PDSS2: variants seen among roughly 807,000 people sequenced by gnomAD.
The protein encoded by PDSS2 is all trans-polyprenyl-diphosphate synthase PDSS2.
In PDSS2, 31 loss-of-function variants were observed where a neutral mutation model predicts 44.5. That is an observed-to-expected ratio of 0.70 (90% confidence interval 0.52 to 0.94). PDSS2 has a LOEUF of 0.94. Among genes scored for constraint, PDSS2 ranks in the 40% least tolerant of loss-of-function variants. The pLI is 0.00. For synonymous variants in PDSS2, 157 were observed against 180.3 expected (o/e 0.87, Z 1.03); for missense variants, 452 against 482.2 (o/e 0.94, Z 0.59).
At chr6:107,204,683 A>G (rs1028728717) in intron 6 of PDSS2, among the ~76,000 whole-genome samples, 1 of 152,214 alleles carries the variant, frequency 6.6e-6, no homozygotes, top group African/African-American at 2.4e-5. Flanking sequence ...CCGACTTCAT[A>G]AACCTCTTTC....
intron 1 of PDSS2, among the ~76,000 whole-genome samples, chr6:107,396,662 T>C (rs1779950096): frequency 6.7e-6 from 1 of 149,630 alleles, no homozygotes; most frequent in Non-Finnish European, 1.5e-5. Context: ...CCTTTCTTTT[T>C]TTCCTCTTCT....
chr6:107,290,997 G>A (rs189174775), intron 2 of PDSS2, among the ~76,000 whole-genome samples: 3 of 144,114 alleles, frequency 2.1e-5, no homozygotes, highest in African/African-American at 7.9e-5. Flanking sequence ...ATAATATCAA[G>A]CTCAAACCGT....
intron 3 of PDSS2, among the ~76,000 whole-genome samples, chr6:107,273,711 C>A (rs966711197): frequency 2.0e-5 from 3 of 151,972 alleles, no homozygotes; most frequent in Admixed American, 6.6e-5. Context: ...AGATATTAAC[C>A]AGCAGTGATT....
At chr6:107,430,023 C>T (rs1488776761) in intron 1 of PDSS2, among the ~76,000 whole-genome samples, 1 of 146,960 alleles carries the variant, frequency 6.8e-6, no homozygotes, top group African/African-American at 2.5e-5. Context: ...ATACCTTATT[C>T]ATTGCTAAAA....
chr6:107,378,423 G>A (rs1226365071), intron 1 of PDSS2, among the ~76,000 whole-genome samples: 1 of 152,112 alleles, frequency 6.6e-6, no homozygotes, highest in African/African-American at 2.4e-5. Context: ...TATGACATAA[G>A]GCTAATGTAT....
At chr6:107,351,083 T>C (rs1244349080) in intron 1 of PDSS2, among the ~76,000 whole-genome samples, 3 of 151,916 alleles carry the variant, frequency 2.0e-5, no homozygotes, top group Admixed American at 6.6e-5. Context: ...AAAAAAAAAT[T>C]GATAAAAGTA....
intron 2 of PDSS2, among the ~76,000 whole-genome samples, chr6:107,319,608 G>C (rs994763793): frequency 6.6e-6 from 1 of 152,178 alleles, no homozygotes; most frequent in Non-Finnish European, 1.5e-5. Context: ...ACAGATAACA[G>C]AGAGGTCCAA....
chr6:107,167,584 A>G (rs1771400428), intron 7 of PDSS2, among the ~76,000 whole-genome samples: 1 of 152,226 alleles, frequency 6.6e-6, no homozygotes. Flanking sequence ...TGTCAATTTG[A>G]GATCTTTTCT....
intron 3 of PDSS2, among the ~76,000 whole-genome samples, chr6:107,252,807 T>C (rs918650624): frequency 2.0e-5 from 3 of 152,150 alleles, no homozygotes; most frequent in African/African-American, 7.2e-5. Flanking sequence ...TCGCAACTGA[T>C]ACAACTTGAA....
intron 1 of PDSS2, among the ~76,000 whole-genome samples, chr6:107,427,975 T>A (rs1781058022): frequency 6.6e-6 from 1 of 152,240 alleles, no homozygotes; most frequent in African/African-American, 2.4e-5. Context: ...ATTGACAAAT[T>A]TCACATTTTT....
At chr6:107,296,005 A>C (rs1270747193) in intron 2 of PDSS2, among the ~76,000 whole-genome samples, 1 of 152,180 alleles carries the variant, frequency 6.6e-6, no homozygotes, top group Non-Finnish European at 1.5e-5. Flanking sequence ...ATGAGAAGTG[A>C]GTTAAAAATG....
chr6:107,442,781 T>G (rs1430092051), intron 1 of PDSS2, among the ~76,000 whole-genome samples: 1 of 152,218 alleles, frequency 6.6e-6, no homozygotes, highest in Non-Finnish European at 1.5e-5. Flanking sequence ...AGTCTGCAAT[T>G]ACCAACCTCA....
chr6:107,426,556 A>T (rs1002848861), intron 1 of PDSS2, among the ~76,000 whole-genome samples: 8 of 152,158 alleles, frequency 5.3e-5, no homozygotes, highest in Non-Finnish European at 1.2e-4. Context: ...AGAACGGTAG[A>T]TCCACTGACA....
intron 2 of PDSS2, among the ~76,000 whole-genome samples, chr6:107,291,699 T>C (rs1776355563): frequency 6.6e-6 from 1 of 151,274 alleles, no homozygotes; most frequent in South Asian, 2.1e-4. Flanking sequence ...GGTAGGAAAA[T>C]GAAAAATCTC....
intron 7 of PDSS2, among the ~76,000 whole-genome samples, chr6:107,158,908 T>C (rs1231656583): frequency 6.6e-6 from 1 of 151,984 alleles, no homozygotes; most frequent in Non-Finnish European, 1.5e-5. Context: ...TTTATATTTT[T>C]AGTAGAGACA....
chr6:107,434,593 G>T (rs1308147557), intron 1 of PDSS2, among the ~76,000 whole-genome samples: 2 of 152,174 alleles, frequency 1.3e-5, no homozygotes, highest in Non-Finnish European at 2.9e-5. Flanking sequence ...ATAGTTACCA[G>T]AGGCTGGGAA....
chr6:107,375,370 G>C (rs1779255280), intron 1 of PDSS2, among the ~76,000 whole-genome samples: 1 of 152,040 alleles, frequency 6.6e-6, no homozygotes, highest in Non-Finnish European at 1.5e-5. Context: ...ACACAAATTA[G>C]AAATATCAGC....
Position 107,452,448 on chromosome 6 carries a change from C to A in PDSS2, c.296+6542G>T, listed in dbSNP as rs142620125. 8.9e-3 allele frequency among the ~76,000 whole-genome samples: 1,343 copies of A among 151,710 alleles called. 51 individuals are homozygous for A. The East Asian group carries it at 0.12, about 13-fold the overall frequency. On this transcript the variant is annotated intron_variant, in intron 1 of 7. Transcript: ENST00000369037. Reference sequence around the variant, plus strand: ...GGTTTCACCATGTTAGCCAGGCTGGCCTCAAACTCCTAGCCTCAAGTGATC... The same window carrying A: ...GGTTTCACCATGTTAGCCAGGCTGGACTCAAACTCCTAGCCTCAAGTGATC...
chr6:107,161,483 A>G (rs1454185244), intron 7 of PDSS2, among the ~76,000 whole-genome samples: 13 of 43,200 alleles, frequency 3.0e-4, no homozygotes, highest in Non-Finnish European at 1.0e-3. Context: ...CCGTCTCAGG[A>G]AAAAAAAAAA....
Sources: gnomAD v4.1 joint callset for allele counts (sites outside exome capture counted in the v4.1 genomes callset) on GRCh38, gnomAD v4.1.1 for gene constraint, MANE v1.5 for transcripts, NCBI Gene and HGNC (gene_info 2026-07-23, HGNC 2026-07-21) for gene names.